Variants in CRACR2A observed in about 807,000 individuals in gnomAD.
CRACR2A encodes the protein EF-hand calcium-binding domain-containing protein 4B.
A neutral mutation model predicts 90.5 loss-of-function variants in CRACR2A; 79 were observed. The observed-to-expected ratio is 0.87, with a 90% CI of 0.73 to 1.05. The LOEUF (loss-of-function observed/expected upper bound fraction) is 1.05. Ranked by LOEUF, CRACR2A falls within the 50% of genes least tolerant of loss-of-function variation. CRACR2A has a pLI of 0.00. For synonymous variants in CRACR2A, 338 were observed against 356.7 expected, an observed-to-expected ratio of 0.95 and a Z score of 0.59; for missense variants, 823 against 897.2, an observed-to-expected ratio of 0.92 and a Z score of 1.06.
chr12:3,646,715 C>G (rs920081112), intron 11 of CRACR2A, among the ~76,000 whole-genome samples: 16 of 152,158 alleles, frequency 1.1e-4, no homozygotes, highest in African/African-American at 3.9e-4. Flanking sequence ...TGAGTTAGCA[C>G]CCTTGCACAT....
chr12:3,632,094 G>A (rs1030585092), intron 15 of CRACR2A, among the ~76,000 whole-genome samples: 1 of 152,158 alleles, frequency 6.6e-6, no homozygotes, highest in Non-Finnish European at 1.5e-5. Context: ...TCCCTTTGGT[G>A]CTGTCCTCAT....
At chr12:3,741,983 T>C (rs975513575) in intron 1 of CRACR2A, among the ~76,000 whole-genome samples, 1 of 152,134 alleles carries the variant, frequency 6.6e-6, no homozygotes, top group African/African-American at 2.4e-5. Context: ...TAGTTAACAT[T>C]TCTCTCCAAA....
chr12:3,738,335 T>A (rs1408260591), intron 1 of CRACR2A, among the ~76,000 whole-genome samples: 1 of 151,998 alleles, frequency 6.6e-6, no homozygotes, highest in Admixed American at 6.6e-5. Flanking sequence ...ATAATATATA[T>A]CCAGATACTG....
intron 3 of CRACR2A, among the ~76,000 whole-genome samples, chr12:3,706,444 C>T (rs1033802236): frequency 1.3e-5 from 2 of 152,228 alleles, no homozygotes; most frequent in East Asian, 3.8e-4. Context: ...ACCACCCCTT[C>T]TCTGATAGGC....
intron 4 of CRACR2A, among the ~76,000 whole-genome samples, chr12:3,693,938 G>A (rs11062763): frequency 0.19 from 29,064 of 152,116 alleles, 3,352 homozygotes; most frequent in Middle Eastern, 0.3. Context: ...CAAATCGAGT[G>A]TCCATGGTGG....
rs1016062962 is a variant in CRACR2A, at chr12:3,654,461, C to T, written c.859-62G>A. The T allele has an allele frequency of 8.1e-6, 12 of 1,483,152 alleles. No individual in the cohort carries two copies. In the South Asian group the frequency reaches 1.1e-4, roughly 14 times the overall value. 91.9% of individuals were successfully genotyped at this position (1,483,152 alleles called of 1,614,324 possible). A position where few individuals can be genotyped will look rare whatever the true frequency, so the allele number is the denominator to read the frequency against. ...GACCACCATTTTCAGGAGGGCCTGC[C>T]CTGGCCTCACCTTGTTTTCTCTGCT... On this transcript the variant is annotated intron_variant, in intron 9 of 19. Transcript: ENST00000440314.
intron 1 of CRACR2A, among the ~76,000 whole-genome samples, chr12:3,735,450 C>T (rs1047433409): frequency 6.6e-6 from 1 of 152,178 alleles, no homozygotes; most frequent in African/African-American, 2.4e-5. Flanking sequence ...CAGACATTCA[C>T]AACTGAGTAA....
chr12:3,713,083 G>A (rs943828378), intron 3 of CRACR2A, among the ~76,000 whole-genome samples, 154 bp downstream of exon 3: 5 of 151,990 alleles, frequency 3.3e-5, no homozygotes, highest in South Asian at 2.1e-4. Context: ...GAAGGCTGAC[G>A]AATTGTTTCT....
At chr12:3,708,388 C>T (rs1421696051) in intron 3 of CRACR2A, among the ~76,000 whole-genome samples, 2 of 152,206 alleles carry the variant, frequency 1.3e-5, no homozygotes, top group Non-Finnish European at 2.9e-5. Context: ...CCTGCTTCCC[C>T]ATCCCTTATC....
At chr12:3,643,862 T>TATATATA (rs1491355015) in intron 12 of CRACR2A, among the ~76,000 whole-genome samples, 2 of 60,478 alleles carry the variant, frequency 3.3e-5, no homozygotes, top group Non-Finnish European at 5.5e-5. Flanking sequence ...ATATTTATAT[T>TATATATA]ATATATATTA....
At chr12:3,690,192 T>C (rs1446614662) in intron 4 of CRACR2A, among the ~76,000 whole-genome samples, 2 of 152,198 alleles carry the variant, frequency 1.3e-5, no homozygotes, top group African/African-American at 4.8e-5. Context: ...ATTTCTTGTC[T>C]TCTGCCAGCT....
At chr12:3,712,453 T>A (rs1025138367) in intron 3 of CRACR2A, among the ~76,000 whole-genome samples, 7 of 152,116 alleles carry the variant, frequency 4.6e-5, no homozygotes, top group African/African-American at 1.7e-4. Context: ...AGCTTGCATG[T>A]CAGATGGCAA....
At chr12:3,703,904 CATTATGAAG>C (rs1251224124) in intron 3 of CRACR2A, among the ~76,000 whole-genome samples, 1 of 152,202 alleles carries the variant, frequency 6.6e-6, no homozygotes, top group Non-Finnish European at 1.5e-5. Context: ...GAATGGCTAA[CATTATGAAG>C]ATTGACTGTA....
chr12:3,691,435 A>C (rs1945649687), intron 4 of CRACR2A, among the ~76,000 whole-genome samples: 1 of 152,024 alleles, frequency 6.6e-6, no homozygotes, highest in Non-Finnish European at 1.5e-5. Context: ...TTCTGGGTTG[A>C]AGTTTCTTTT....
chr12:3,716,716 A>T (rs1035461508), intron 2 of CRACR2A, among the ~76,000 whole-genome samples: 3 of 152,164 alleles, frequency 2.0e-5, no homozygotes, highest in Admixed American at 2.0e-4. Flanking sequence ...TAAAGCATCA[A>T]TAATTTCACA....
chr12:3,658,413 C>G (rs1303754709), intron 8 of CRACR2A, among the ~76,000 whole-genome samples: 2 of 152,118 alleles, frequency 1.3e-5, no homozygotes, highest in African/African-American at 2.4e-5. Flanking sequence ...CTGCTGTTCT[C>G]AGGAACTATT....
At chr12:3,617,100 G>T in intron 18 of CRACR2A, 70 bp from the exon 19 acceptor site, 3 of 1,147,010 alleles carry the variant, frequency 2.6e-6, no homozygotes, top group Non-Finnish European at 3.8e-6. Context: ...TGGTGGGAGA[G>T]CCCCCTTGTG....
chr12:3,695,133 A>G (rs750818564), intron 4 of CRACR2A, among the ~76,000 whole-genome samples: 2 of 152,190 alleles, frequency 1.3e-5, no homozygotes, highest in Non-Finnish European at 2.9e-5. Flanking sequence ...GTTGCACAGT[A>G]CTTGTGGCCC....
intron 1 of CRACR2A, among the ~76,000 whole-genome samples, chr12:3,743,840 GAGAC>G (rs1477572233): frequency 7.2e-5 from 11 of 152,206 alleles, no homozygotes; most frequent in Non-Finnish European, 1.3e-4. Flanking sequence ...TCTGAGTTCT[GAGAC>G]ACACAGTAGG....
Sources: gnomAD v4.1 joint callset for allele counts (sites outside exome capture counted in the v4.1 genomes callset) on GRCh38, gnomAD v4.1.1 for gene constraint, MANE v1.5 for transcripts, NCBI Gene and HGNC (gene_info 2026-07-23, HGNC 2026-07-21) for gene names.